The following GPM6A variants were observed in gnomAD, a reference collection of about 807,000 sequenced individuals.
GPM6A encodes glycoprotein M6A.
A neutral mutation model predicts 32.1 loss-of-function variants in GPM6A; 7 were observed. The ratio of observed to expected loss-of-function variants is 0.22; its 90% CI spans 0.12 to 0.41. The LOEUF is 0.41. Ranked by LOEUF, GPM6A falls within the 10% of genes least tolerant of loss-of-function variation. The pLI is 1.00. For synonymous variants in GPM6A, 130 were observed against 123.4 expected (o/e 1.05, Z -0.35); for missense variants, 235 against 347.2 (o/e 0.68, Z 2.57).
intron 1 of GPM6A, among the ~76,000 whole-genome samples, chr4:175,928,088 T>C (rs898246769): frequency 2.0e-5 from 3 of 152,154 alleles, no homozygotes; most frequent in South Asian, 2.1e-4. Flanking sequence ...AGAGAGAAAA[T>C]AGATTAATAA....
intron 1 of GPM6A, among the ~76,000 whole-genome samples, chr4:175,778,385 G>A (rs920528485): frequency 1.3e-5 from 2 of 151,874 alleles, no homozygotes; most frequent in African/African-American, 2.4e-5. Context: ...CTCCCACTTT[G>A]GGAGGCTGAG....
chr4:175,729,850 G>A (rs1436911110), intron 1 of GPM6A, among the ~76,000 whole-genome samples: 1 of 143,404 alleles, frequency 7.0e-6, no homozygotes, highest in African/African-American at 2.5e-5. Context: ...TGTATTTAAT[G>A]TATATATGTA....
At position 175,838,416 on chromosome 4, in the gene GPM6A, C is replaced by T. The variant is rs116541497; in HGVS notation, c.-22-26167G>A. 2.3e-3 allele frequency among the ~76,000 whole-genome samples: 346 copies of T among 150,104 alleles called. 1 individual carries two copies. Among genetic ancestry groups the T allele is most frequent in the African/African-American group, 8.0e-3 (329 of 41,038 alleles). ...TTGGATGATAGGGTGATGTATATAT[C>T]TATTTCTACCCTAAATAAGGAAAGC... On this transcript the variant is annotated intron_variant, in intron 1 of 7. Coordinates refer to the GPM6A transcript ENST00000280187.
At chr4:175,968,763 A>G (rs1740409193) in intron 1 of GPM6A, among the ~76,000 whole-genome samples, 1 of 152,182 alleles carries the variant, frequency 6.6e-6, no homozygotes, top group Non-Finnish European at 1.5e-5. Flanking sequence ...AAAAATCCAA[A>G]ACACTGACAA....
chr4:175,850,847 TTA>T (rs1736231013), intron 1 of GPM6A, among the ~76,000 whole-genome samples: 2 of 150,098 alleles, frequency 1.3e-5, no homozygotes, highest in East Asian at 1.9e-4. Context: ...AAATACAATA[TTA>T]TATATGTTTA....
chr4:175,809,462 T>A (rs545234756), intron 1 of GPM6A, among the ~76,000 whole-genome samples: 15 of 152,180 alleles, frequency 9.9e-5, no homozygotes, highest in African/African-American at 3.6e-4. Flanking sequence ...TTAGAGGCCA[T>A]GTTTTACCAA....
In GPM6A at chr4:175,818,414, G is replaced by A. The variant is rs1373085426; in HGVS notation, c.-22-6165C>T. ...TGCCATTACAGAGCTATTCCTCAAAGTCTGCAATATACATATAGATATAGT... is the reference window on the plus strand; with the variant it reads ...TGCCATTACAGAGCTATTCCTCAAAATCTGCAATATACATATAGATATAGT... On this transcript the variant is annotated intron_variant, in intron 1 of 7. Coordinates refer to the GPM6A transcript ENST00000280187. 2.0e-5 allele frequency among the ~76,000 whole-genome samples: 3 copies of A among 152,222 alleles called. No individual in the cohort carries two copies. In the South Asian group the frequency reaches 6.2e-4, roughly 32 times the overall value.
chr4:175,797,460 A>G (rs1410919361), intron 1 of GPM6A, among the ~76,000 whole-genome samples: 1 of 152,138 alleles, frequency 6.6e-6, no homozygotes, highest in Non-Finnish European at 1.5e-5. Flanking sequence ...CCGCCCTCAA[A>G]TAATTGAGCT....
rs771568010 is a variant in GPM6A, at chr4:175,701,666, C to T, written c.139G>A (p.Gly47Ser). 16 of 1,613,920 alleles carry T rather than the reference C, an allele frequency of 9.9e-6. No individual in the cohort carries two copies. Among genetic ancestry groups the T allele is most frequent in the East Asian group, 4.5e-5 (2 of 44,866 alleles). ...ACAGTTCCAGAAAGCGCTTCATGAC[C>T]GCAGCCACAGAACAGGGCAACACCC... Reference protein sequence around the residue: ...YAGVALFCGCGHEALSGTVNI... With the variant: ...YAGVALFCGCSHEALSGTVNI... The change falls in exon 2 of 7, where the codon GGT becomes AGT. Residue 47 changes from glycine to serine, a missense_variant. This residue lies in a region of GPM6A where 101 missense variants were observed against 171.2 expected (regional missense o/e 0.59). Transcript: ENST00000393658.
rs371048115 is a variant in GPM6A at position 175,909,044 on chromosome 4, G to GC, written c.-23+93264_-23+93265insG. Among the ~76,000 whole-genome samples the GC allele has an allele frequency of 8.6e-4, 91 of 106,046 alleles. 4 individuals are homozygous for GC. The South Asian group carries it at 0.018, about 21-fold the overall frequency. The allele number at this position is 106,046 out of a possible 152,430, so 69.6% of individuals were successfully genotyped here. On this transcript the variant is annotated intron_variant, in intron 1 of 7. Transcript: ENST00000280187. ...AGAGGCAGACAAAAAAAAAAGGGCG[G>GC]GGGGGGGGCAACTAGCTCATAACCA...
chr4:175,985,655 T>C (rs1228277870), intron 1 of GPM6A, among the ~76,000 whole-genome samples: 1 of 152,210 alleles, frequency 6.6e-6, no homozygotes, highest in Admixed American at 6.5e-5. Flanking sequence ...TGGGAATGTT[T>C]CTAGTGTTTC....
At chr4:175,837,374 T>C (rs1382868633) in intron 1 of GPM6A, among the ~76,000 whole-genome samples, 2 of 152,132 alleles carry the variant, frequency 1.3e-5, no homozygotes, top group Non-Finnish European at 2.9e-5. Context: ...AAATTGATGG[T>C]AATTTGTTAC....
intron 1 of GPM6A, among the ~76,000 whole-genome samples, chr4:175,710,240 C>G (rs1399548763): frequency 6.7e-6 from 1 of 149,358 alleles, no homozygotes; most frequent in African/African-American, 2.5e-5. Context: ...GTAAATTTTC[C>G]TATATATGTT....
At chr4:175,963,656 A>G (rs1740239131) in intron 1 of GPM6A, among the ~76,000 whole-genome samples, 1 of 152,228 alleles carries the variant, frequency 6.6e-6, no homozygotes, top group Admixed American at 6.5e-5. Flanking sequence ...AAAATGATAT[A>G]GATCAGAAAC....
At chr4:175,798,758 T>C (rs969449081) in intron 1 of GPM6A, 1 of 152,212 alleles carries the variant, frequency 6.6e-6, no homozygotes, top group Non-Finnish European at 1.5e-5. Flanking sequence ...TCGATTCTTT[T>C]TCAGAACAAA....
At chr4:175,789,908 A>C (rs552102540) in intron 1 of GPM6A, among the ~76,000 whole-genome samples, 69 of 152,324 alleles carry the variant, frequency 4.5e-4, no homozygotes, top group Non-Finnish European at 6.9e-4. Flanking sequence ...AAGGAGAAAG[A>C]GCTAAATAGA....
chr4:175,786,786 T>A (rs955440740), intron 1 of GPM6A: 5 of 153,566 alleles, frequency 3.3e-5, no homozygotes, highest in Non-Finnish European at 5.8e-5. Context: ...CTCTAATCCA[T>A]TCTGCACAAA....
At chr4:175,759,673 T>C (rs1732664645) in intron 1 of GPM6A, among the ~76,000 whole-genome samples, 1 of 152,180 alleles carries the variant, frequency 6.6e-6, no homozygotes, top group East Asian at 1.9e-4. Flanking sequence ...CTGGGGTTTG[T>C]GAAGGGCTAA....
intron 1 of GPM6A, among the ~76,000 whole-genome samples, chr4:175,738,271 A>T (rs1420453135): frequency 6.6e-6 from 1 of 152,018 alleles, no homozygotes; most frequent in Non-Finnish European, 1.5e-5. Context: ...TTACTTTTCA[A>T]CATGAAATTT....
Sources: allele counts gnomAD v4.1 joint callset (sites outside exome capture counted in the v4.1 genomes callset), GRCh38; gene constraint gnomAD v4.1.1; regional missense constraint gnomAD v4.1.1; transcripts MANE v1.5; gene names NCBI Gene and HGNC (gene_info 2026-07-23, HGNC 2026-07-21).